Variants in ALOX12B observed in about 807,000 individuals in gnomAD.
The protein encoded by ALOX12B is arachidonate 12-lipoxygenase, 12R type.
Under a neutral mutation model 78.9 loss-of-function variants are expected in ALOX12B, and 47 were observed. That is an observed-to-expected ratio of 0.60 (90% confidence interval 0.47 to 0.76). ALOX12B has a LOEUF of 0.76. ALOX12B is among the 30% of genes least tolerant of loss of function. ALOX12B has a pLI of 0.00. For synonymous variants in ALOX12B, 370 were observed against 374.5 expected (o/e 0.99, Z 0.14); for missense variants, 805 against 922.6 (o/e 0.87, Z 1.65).
intron 8 of ALOX12B, 127 bp from the exon 9 acceptor site, chr17:8,077,320 G>A (rs1977109313): frequency 1.1e-6 from 1 of 951,102 alleles, no homozygotes; most frequent in Non-Finnish European, 1.6e-6. Flanking sequence ...GGTCCCACTG[G>A]TCCCCTGAGC....
intron 10 of ALOX12B, 98 bp downstream of exon 10, chr17:8,076,559 T>C (rs1977086857): frequency 1.4e-6 from 2 of 1,411,114 alleles, no homozygotes; most frequent in African/African-American, 1.4e-5. Flanking sequence ...TGCCCCCTCA[T>C]GATGACCCAA....
In ALOX12B at chr17:8,073,746, A is replaced by G; in HGVS notation, c.1666T>C (p.Cys556Arg). Residue 556 changes from cysteine to arginine, a missense_variant, in exon 13 of 15, where the codon TGC (cysteine) becomes CGC (arginine). Physicochemically the swap from Cys to Arg is radical, Grantham distance 180. Transcript: ENST00000647874. ...LGRESSGFPR[C>R]LRTVPELIRY... Reference sequence around the variant, plus strand: ...ATCAGCTCAGGCACGGTTCGCAAGCACCTAGGGAAGCCTGACCGGCGGGGG... The same window carrying G: ...ATCAGCTCAGGCACGGTTCGCAAGCGCCTAGGGAAGCCTGACCGGCGGGGG... 1.9e-6 allele frequency: 3 copies of G among 1,613,960 alleles called. No individual in the cohort carries two copies. Among genetic ancestry groups the G allele is most frequent in the Non-Finnish European group, 2.5e-6 (3 of 1,179,910 alleles).
intron 1 of ALOX12B, 111 bp downstream of exon 1, chr17:8,087,185 C>T (rs1978302027): frequency 1.3e-6 from 2 of 1,499,616 alleles, no homozygotes; most frequent in Non-Finnish European, 1.8e-6. Context: ...CCCTGCGCAC[C>T]TTCACCCCTC....
chr17:8,079,756 G>T lies in ALOX12B; in HGVS notation c.927+13C>A, dbSNP rs900643757. On this transcript the variant is annotated intron_variant, in intron 7 of 14. Transcript: ENST00000647874. The surrounding 1 kb of genome is among the most constrained non-coding windows in gnomAD (Gnocchi z 6.4). ...GGGAGGAGGGCCGGGGTCTCCGCCG[G>T]AGCGGGCCTCACCTCCAGCTCCGCT... The T allele has an allele frequency of 9.9e-6, 16 of 1,609,414 alleles. No individual in the cohort carries two copies. The highest frequency in any genetic ancestry group is 1.4e-5 in the Non-Finnish European group (16 of 1,178,770).
chr17:8,086,351 C>T, intron 1 of ALOX12B, 131 bp from the exon 2 acceptor site: 2 of 920,128 alleles, frequency 2.2e-6, no homozygotes, highest in Non-Finnish European at 3.4e-6. Context: ...GACGGAGGGA[C>T]AGGATATTGA....
At chr17:8,082,409 T>G (rs4490054) in intron 2 of ALOX12B, among the ~76,000 whole-genome samples, 76,959 of 151,862 alleles carry the variant, frequency 0.51, 19,711 homozygotes, top group South Asian at 0.63. Flanking sequence ...CGCCATTATG[T>G]TCCCATGCTC....
chr17:8,077,399 C>A (rs1044413438), intron 8 of ALOX12B, among the ~76,000 whole-genome samples: 3 of 152,222 alleles, frequency 2.0e-5, no homozygotes, highest in Non-Finnish European at 1.5e-5. Context: ...CAGTACCTTC[C>A]TCTTGCCCCT....
Position 8,080,902 on chromosome 17 carries a change from C to G in ALOX12B, c.509G>C (p.Arg170Pro), listed in dbSNP as rs1373779217. The G allele has an allele frequency of 6.2e-7, 1 of 1,613,782 alleles. No individual in the cohort carries two copies. Among genetic ancestry groups the G allele is most frequent in the Non-Finnish European group, 8.5e-7 (1 of 1,180,010 alleles). ...PSYRPPVRRH[R>P]NPNRPEWNGY... ...TCCTTACTCAGGCCGGTTGGGGTTG[C>G]GATGCCTCCGCACCGGAGGGCGGTA... Residue 170 changes from arginine to proline, a missense_variant, in exon 4 of 15, where the codon CGC becomes CCC. Arg to Pro is a moderately radical substitution (Grantham distance 103, BLOSUM62 -2). Coordinates refer to ENST00000647874, the MANE Select transcript of ALOX12B (RefSeq NM_001139.3). This position sits in a 1 kb window ranked among gnomAD's most constrained non-coding sequence, Gnocchi z 4.8.
chr17:8,082,916 C>T (rs552944625), intron 2 of ALOX12B, among the ~76,000 whole-genome samples: 17 of 152,188 alleles, frequency 1.1e-4, no homozygotes, highest in Non-Finnish European at 2.1e-4. Flanking sequence ...AGGCAGGTGA[C>T]TATTACTATA....
rs936104839 is a variant in ALOX12B, at chr17:8,076,806, C to T, written c.1276-63G>A. On this transcript the variant is annotated intron_variant, in intron 9 of 14. Transcript: ENST00000647874. ...AAGTGGCCCCCAAAGGAGCTCAGCTCCCCATTTCTGTAACGTCAGATCTGC... is the reference window on the plus strand; with the variant it reads ...AAGTGGCCCCCAAAGGAGCTCAGCTTCCCATTTCTGTAACGTCAGATCTGC... The T allele has an allele frequency of 1.1e-5, 17 of 1,507,094 alleles. No individual in the cohort carries two copies. In the African/African-American group the frequency reaches 2.2e-4, roughly 20 times the overall value. 93.4% of individuals were successfully genotyped at this position (1,507,094 alleles called of 1,614,324 possible).
chr17:8,077,009 A>G lies in ALOX12B; in HGVS notation c.1256T>C (p.Met419Thr). The change falls in exon 9 of 15, where the codon ATG (methionine) becomes ACG (threonine). Residue 419 changes from methionine (M) to threonine (T), a missense_variant. Physicochemically the swap from Met to Thr is moderately conservative, Grantham distance 81. Transcript: ENST00000647874. The stretch of plus-strand genomic sequence containing the variant: ...CCATACCTTGTAGAGGGGGTGGCAC[A>G]TGGGCAGGTTCCTCAGCAAGGCCAG... Reference protein sequence around the residue: ...FCLALLRNLPMCHPLYKLLIP... With the variant: ...FCLALLRNLPTCHPLYKLLIP... 1 of 1,613,750 alleles carries G rather than the reference A, an allele frequency of 6.2e-7. No individual in the cohort carries two copies. Among genetic ancestry groups the G allele is most frequent in the East Asian group, 2.2e-5 (1 of 44,876 alleles).
rs1177265912 is a variant in ALOX12B at position 8,072,682 on chromosome 17, T to C, written c.*89A>G. On this transcript the variant is annotated 3_prime_UTR_variant, in exon 15 of 15. Transcript: ENST00000647874. The stretch of plus-strand genomic sequence containing the variant: ...TTTGTTTGTTTGGTGTTTTGGTCTC[T>C]GAGGTTTTTGTGTTTTTTGCTTGTT... 1.3e-6 allele frequency: 2 copies of C among 1,552,842 alleles called. No individual in the cohort carries two copies. The highest frequency in any genetic ancestry group is 1.8e-6 in the Non-Finnish European group (2 of 1,126,014).
rs1156332289 is a variant in ALOX12B, at chr17:8,080,866, A to C, written c.527+18T>G. On this transcript the variant is annotated intron_variant, in intron 4 of 14. Transcript: ENST00000647874. The surrounding 1 kb of genome is among the most constrained non-coding windows in gnomAD (Gnocchi z 4.8). Reference sequence around the variant, plus strand: ...GGGAAAACCATGGGCGGGGCCCAGCACAGCTTCGGGTCCTTACTCAGGCCG... The same window carrying C: ...GGGAAAACCATGGGCGGGGCCCAGCCCAGCTTCGGGTCCTTACTCAGGCCG... 1.2e-6 allele frequency: 2 copies of C among 1,613,924 alleles called. No homozygotes were observed. Among genetic ancestry groups the C allele is most frequent in the Non-Finnish European group, 1.7e-6 (2 of 1,180,000 alleles).
chr17:8,084,854 C>G (rs1156648620), intron 2 of ALOX12B, among the ~76,000 whole-genome samples: 1 of 152,180 alleles, frequency 6.6e-6, no homozygotes, highest in African/African-American at 2.4e-5. Context: ...GACAGGCCCC[C>G]AGTCCTCATG....
At chr17:8,075,797 G>C (rs1181621863) in intron 11 of ALOX12B, 81 bp from the exon 12 acceptor site, 3 of 1,611,476 alleles carry the variant, frequency 1.9e-6, no homozygotes, top group Non-Finnish European at 2.5e-6. Context: ...CCCCCAGGGT[G>C]CCCTGACCTC....
intron 14 of ALOX12B, 52 bp downstream of exon 14, chr17:8,073,096 C>A (rs1328687583): frequency 6.2e-7 from 1 of 1,612,460 alleles, no homozygotes; most frequent in Non-Finnish European, 8.5e-7. Flanking sequence ...CTCCCCCATC[C>A]CCGGCTTCTG....
At chr17:8,077,265 G>A in intron 8 of ALOX12B, 72 bp from the exon 9 acceptor site, 1 of 1,438,230 alleles carries the variant, frequency 7.0e-7, no homozygotes, top group Non-Finnish European at 9.6e-7. Context: ...ACCGCAGGAA[G>A]GAGGCAGAAG....
Position 8,080,411 on chromosome 17 carries a change from G to A in ALOX12B, c.651-73C>T. On this transcript the variant is annotated intron_variant, in intron 5 of 14. Coordinates refer to ENST00000647874, the MANE Select transcript of ALOX12B (RefSeq NM_001139.3). This position sits in a 1 kb window ranked among gnomAD's most constrained non-coding sequence, Gnocchi z 4.8. ...GCCGGCTGGGGCAGGTGGCGGGGCC[G>A]CCCCATCCACTTAGGTCTCTGGGTC... 6.5e-7 allele frequency: 1 copy of A among 1,537,578 alleles called. No individual in the cohort carries two copies. Among genetic ancestry groups the A allele is most frequent in the Non-Finnish European group, 9.0e-7 (1 of 1,111,070 alleles).
intron 2 of ALOX12B, 93 bp downstream of exon 2, chr17:8,085,923 T>A: frequency 6.7e-7 from 1 of 1,487,072 alleles, no homozygotes; most frequent in South Asian, 1.1e-5. Flanking sequence ...GGCCCCCCTC[T>A]GGCTTGATGG....
Sources: allele counts gnomAD v4.1 joint callset (sites outside exome capture counted in the v4.1 genomes callset), GRCh38; gene constraint gnomAD v4.1.1; non-coding constraint Gnocchi (gnomAD v3.1); transcripts MANE v1.5; gene names NCBI Gene and HGNC (gene_info 2026-07-23, HGNC 2026-07-21).